The following FAM114A2 variants were observed in gnomAD, a reference collection of about 807,000 sequenced individuals.
FAM114A2 encodes protein FAM114A2.
A neutral mutation model predicts 58.4 loss-of-function variants in FAM114A2; 53 were observed. The observed-to-expected ratio is 0.91, with a 90% CI of 0.73 to 1.14. The LOEUF (loss-of-function observed/expected upper bound fraction) is 1.14, where lower values mean the gene tolerates loss of function less well. Ranked by LOEUF, FAM114A2 falls within the 50% of genes most tolerant of loss-of-function variation. The pLI is 0.00. For synonymous variants in FAM114A2, 228 were observed against 211.4 expected (o/e 1.08, Z -0.68); for missense variants, 601 against 581.1 (o/e 1.03, Z -0.35).
chr5:153,997,829 A>C lies in FAM114A2; in HGVS notation c.1303T>G (p.Phe435Val). The C allele has an allele frequency of 6.2e-7, 1 of 1,600,948 alleles. No homozygotes were observed. Among genetic ancestry groups the C allele is most frequent in the Non-Finnish European group, 8.6e-7 (1 of 1,168,298 alleles). Residue 435 changes from phenylalanine to valine, a missense_variant, in exon 12 of 14, where the codon TTC becomes GTC. Transcript: ENST00000351797. ...CKELSSLSKE[F>V]TTCLTTAGVK... Reference sequence around the variant, plus strand: ...CCAGCAGTTGTTAGGCAGGTAGTGAACTCTTTAGACAGAGAGGACAACTCT... The same window carrying C: ...CCAGCAGTTGTTAGGCAGGTAGTGACCTCTTTAGACAGAGAGGACAACTCT...
At chr5:154,018,389 A>C (rs2113376773) in intron 8 of FAM114A2, among the ~76,000 whole-genome samples, 1 of 152,282 alleles carries the variant, frequency 6.6e-6, no homozygotes, top group East Asian at 1.9e-4. Context: ...ACAAACCAAT[A>C]ACAAGCAGCA....
rs1769538061 is a variant in FAM114A2 at position 153,996,086 on chromosome 5, C to G, written c.1330-1114G>C. Among the ~76,000 whole-genome samples the G allele has an allele frequency of 1.3e-5, 2 of 152,234 alleles. 1 individual carries two copies. Among genetic ancestry groups the G allele is most frequent in the Middle Eastern group, 6.8e-3 (2 of 294 alleles). The stretch of plus-strand genomic sequence containing the variant: ...ATATGAAAATGCACAAGGCCCCAAG[C>G]AGTCAAAAAATCTTGAAAATAAGAA... On this transcript the variant is annotated intron_variant, in intron 12 of 13. Transcript: ENST00000351797.
chr5:154,000,376 CAT>C (rs1769896394), intron 11 of FAM114A2, among the ~76,000 whole-genome samples: 2 of 152,064 alleles, frequency 1.3e-5, no homozygotes, highest in African/African-American at 4.8e-5. Context: ...AACATATAGA[CAT>C]AATAAATACT....
At chr5:154,006,786 C>G (rs1244122342) in intron 9 of FAM114A2, among the ~76,000 whole-genome samples, 3 of 141,986 alleles carry the variant, frequency 2.1e-5, no homozygotes, top group Non-Finnish European at 3.0e-5. Flanking sequence ...ATTTAATATA[C>G]CCAAAGGAGA....
chr5:154,031,601 C>T (rs1772207951), intron 4 of FAM114A2, among the ~76,000 whole-genome samples: 1 of 152,152 alleles, frequency 6.6e-6, no homozygotes, highest in South Asian at 2.1e-4. Flanking sequence ...TTGGAAAGTT[C>T]TCCCTGTTAA....
chr5:154,014,974 G>A (rs1241204579), intron 8 of FAM114A2, among the ~76,000 whole-genome samples: 2 of 152,176 alleles, frequency 1.3e-5, no homozygotes, highest in African/African-American at 4.8e-5. Flanking sequence ...AGGCACAGTG[G>A]GAGTGAGACT....
chr5:154,007,222 A>G (rs951424012), intron 9 of FAM114A2, among the ~76,000 whole-genome samples: 8 of 152,130 alleles, frequency 5.3e-5, no homozygotes, highest in Non-Finnish European at 1.0e-4. Flanking sequence ...AAAATAATTA[A>G]TGTCATCCAC....
intron 8 of FAM114A2, among the ~76,000 whole-genome samples, chr5:154,025,123 A>G (rs966469093): frequency 6.6e-6 from 1 of 152,208 alleles, no homozygotes; most frequent in African/African-American, 2.4e-5. Context: ...AAAAAAGCAC[A>G]TAGTTCAGCT....
Position 154,005,532 on chromosome 5 carries a change from A to T in FAM114A2, c.994-2563T>A, listed in dbSNP as rs375797740. 4.6e-5 allele frequency among the ~76,000 whole-genome samples: 7 copies of T among 152,180 alleles called. 1 individual carries two copies. The highest frequency in any genetic ancestry group is 3.9e-4 in the East Asian group (2 of 5,188). ...TGGTCATTTTACCACCATATGGAAAAGCTTCCCTAAGAATGAAGCCAAAAC... is the reference window on the plus strand; with the variant it reads ...TGGTCATTTTACCACCATATGGAAATGCTTCCCTAAGAATGAAGCCAAAAC... On this transcript the variant is annotated intron_variant, in intron 9 of 13. Coordinates refer to ENST00000351797, the MANE Select transcript of FAM114A2 (RefSeq NM_018691.4).
chr5:154,020,554 G>C (rs560886028), intron 8 of FAM114A2, among the ~76,000 whole-genome samples: 1 of 152,182 alleles, frequency 6.6e-6, no homozygotes, highest in African/African-American at 2.4e-5. Flanking sequence ...AGAAGAAATG[G>C]AGACATTCCT....
chr5:154,015,989 CT>C (rs1771014359), intron 8 of FAM114A2, among the ~76,000 whole-genome samples: 1 of 151,952 alleles, frequency 6.6e-6, no homozygotes, highest in Non-Finnish European at 1.5e-5. Context: ...TGTAGAAAGT[CT>C]CAGCAATAGA....
chr5:154,002,373 T>C lies in FAM114A2; in HGVS notation c.1134A>G (p.Ala378=). ...CAGTCAGTTCAGCCAGGCTCCGGAT[T>C]GCAAACGCATGGATATCCTGGATGG... is the stretch of plus-strand genomic sequence containing the variant. ...KNSIEDIHAF[A]IRSLAELTAC... Residue 378 remains alanine, a synonymous_variant, in exon 11 of 14, where the codon GCA becomes GCG. Transcript: ENST00000351797. 6.2e-7 allele frequency: 1 copy of C among 1,613,952 alleles called. No homozygotes were observed. The highest frequency in any genetic ancestry group is 8.5e-7 in the Non-Finnish European group (1 of 1,179,818).
intron 1 of FAM114A2, chr5:154,037,009 CA>C (rs968687800): frequency 8.5e-5 from 13 of 152,248 alleles, no homozygotes; most frequent in African/African-American, 2.9e-4. Context: ...TACAATCCCC[CA>C]CGCAAATCCA....
intron 8 of FAM114A2, among the ~76,000 whole-genome samples, chr5:154,017,215 GGTGT>G (rs1771095896): frequency 6.6e-6 from 1 of 152,196 alleles, no homozygotes; most frequent in South Asian, 2.1e-4. Context: ...GGCCGAGGCA[GGTGT>G]ATCACCTGAG....
At chr5:154,012,225 G>A (rs1487460484) in intron 8 of FAM114A2, among the ~76,000 whole-genome samples, 1 of 152,180 alleles carries the variant, frequency 6.6e-6, no homozygotes, top group African/African-American at 2.4e-5. Flanking sequence ...AACGTTGGAA[G>A]GATGGTAAGG....
intron 12 of FAM114A2, 97 bp downstream of exon 12, chr5:153,997,706 T>C: frequency 1.3e-6 from 1 of 748,012 alleles, no homozygotes; most frequent in Non-Finnish European, 2.3e-6. Flanking sequence ...AACTAAAAAC[T>C]ATTGAATTGT....
chr5:154,017,997 C>T (rs1771153603), intron 8 of FAM114A2, among the ~76,000 whole-genome samples: 1 of 152,068 alleles, frequency 6.6e-6, no homozygotes. Flanking sequence ...TAAAGTCACA[C>T]CTCAAGGAAA....
chr5:154,009,915 A>G (rs1315469465), intron 9 of FAM114A2, among the ~76,000 whole-genome samples: 1 of 152,218 alleles, frequency 6.6e-6, no homozygotes, highest in Non-Finnish European at 1.5e-5. Context: ...TAGAGGAAAA[A>G]GTTTGGTATT....
chr5:154,021,098 C>G (rs1355661190), intron 8 of FAM114A2, among the ~76,000 whole-genome samples: 3 of 152,226 alleles, frequency 2.0e-5, no homozygotes, highest in Admixed American at 6.5e-5. Flanking sequence ...ATTCAACAGC[C>G]CTTCATACTA....
Sources: gnomAD v4.1 joint callset for allele counts (sites outside exome capture counted in the v4.1 genomes callset) on GRCh38, gnomAD v4.1.1 for gene constraint, MANE v1.5 for transcripts, NCBI Gene and HGNC (gene_info 2026-07-23, HGNC 2026-07-21) for gene names.